Variants in SLC22A23 observed in about 807,000 individuals in gnomAD.
The protein encoded by SLC22A23 is ion transporter protein.
SLC22A23 carries 26 observed loss-of-function variants against 61.0 expected under a neutral mutation model. The ratio of observed to expected loss-of-function variants is 0.43; its 90% CI spans 0.31 to 0.59. The LOEUF (loss-of-function observed/expected upper bound fraction) is 0.59, where lower values mean the gene tolerates loss of function less well. SLC22A23 is among the 20% of genes least tolerant of loss of function. SLC22A23 has a pLI of 0.11. For missense variants in SLC22A23, 796 were observed against 934.7 expected (o/e 0.85, Z 1.94); for synonymous variants, 430 against 413.9 (o/e 1.04, Z -0.47).
chr6:3,419,414 A>T (rs919257337), intron 1 of SLC22A23, among the ~76,000 whole-genome samples: 1 of 152,142 alleles, frequency 6.6e-6, no homozygotes, highest in Non-Finnish European at 1.5e-5. Flanking sequence ...ATTCTGGTAT[A>T]CCTATGGTTT....
intron 9 of SLC22A23, 87 bp from the exon 10 acceptor site, chr6:3,273,499 T>G: frequency 6.9e-7 from 1 of 1,439,800 alleles, no homozygotes; most frequent in South Asian, 1.2e-5. Context: ...GGAAGCCACC[T>G]CTGCAGGGGC....
At chr6:3,435,056 G>A (rs1189012320) in intron 1 of SLC22A23, among the ~76,000 whole-genome samples, 1 of 152,154 alleles carries the variant, frequency 6.6e-6, no homozygotes, top group Non-Finnish European at 1.5e-5. Flanking sequence ...AAGGGTGCTG[G>A]AAGCGGCTGC....
At chr6:3,341,885 G>T (rs903654805) in intron 3 of SLC22A23, among the ~76,000 whole-genome samples, 1 of 151,878 alleles carries the variant, frequency 6.6e-6, no homozygotes, top group Non-Finnish European at 1.5e-5. Context: ...AAAGTTAATG[G>T]ATTTTAAAAA....
At position 3,317,721 on chromosome 6, in the gene SLC22A23, C is replaced by T. The variant is rs1762721555; in HGVS notation, c.1082+6113G>A. Among the ~76,000 whole-genome samples the T allele has an allele frequency of 6.6e-6, 1 of 152,118 alleles. No individual in the cohort carries two copies. Among genetic ancestry groups the T allele is most frequent in the Admixed American group, 6.5e-5 (1 of 15,274 alleles). ...GTGCAATCACCCAGCGCTTTGACGGCGTCTACTTTCAGGTGAAAAACACTC... is the reference window on the plus strand; with the variant it reads ...GTGCAATCACCCAGCGCTTTGACGGTGTCTACTTTCAGGTGAAAAACACTC... On this transcript the variant is annotated intron_variant, in intron 4 of 9. Transcript: ENST00000406686. The surrounding 1 kb of genome is among the most constrained non-coding windows in gnomAD (Gnocchi z 4.4).
At chr6:3,275,283 G>T (rs2127285248) in intron 9 of SLC22A23, among the ~76,000 whole-genome samples, 1 of 152,260 alleles carries the variant, frequency 6.6e-6, no homozygotes, top group African/African-American at 2.4e-5. Context: ...AATGATGTTG[G>T]ACCCTTCACA....
intron 3 of SLC22A23, among the ~76,000 whole-genome samples, chr6:3,378,462 G>T (rs977158346): frequency 3.9e-5 from 6 of 152,098 alleles, no homozygotes; most frequent in Non-Finnish European, 5.9e-5. Flanking sequence ...CAGGGTAATT[G>T]TTTCCTTTGA....
chr6:3,341,890 T>TA (rs891203277), intron 3 of SLC22A23, among the ~76,000 whole-genome samples: 29 of 152,170 alleles, frequency 1.9e-4, no homozygotes, highest in East Asian at 5.8e-4. Context: ...TAATGGATTT[T>TA]AAAAAAAATC....
chr6:3,381,195 ATC>A (rs145260596), intron 3 of SLC22A23, among the ~76,000 whole-genome samples: 2,024 of 152,014 alleles, frequency 0.013, 48 homozygotes, highest in African/African-American at 0.041. Flanking sequence ...TCCCGTGGCT[ATC>A]TCTCTGCCAG....
intron 1 of SLC22A23, among the ~76,000 whole-genome samples, chr6:3,423,178 C>T (rs1384623914): frequency 1.3e-5 from 2 of 152,016 alleles, no homozygotes; most frequent in Non-Finnish European, 2.9e-5. Context: ...TGAATTTGAT[C>T]ATTTTTAAAG....
chr6:3,450,110 A>G (rs1436045936), intron 1 of SLC22A23, among the ~76,000 whole-genome samples: 1 of 152,240 alleles, frequency 6.6e-6, no homozygotes, highest in Non-Finnish European at 1.5e-5. Context: ...ACTGGTAACC[A>G]TGGTTGCTTC....
chr6:3,298,936 C>T (rs1166028132), intron 4 of SLC22A23, among the ~76,000 whole-genome samples: 1 of 144,280 alleles, frequency 6.9e-6, no homozygotes, highest in Non-Finnish European at 1.5e-5. Context: ...TGCGCCACTG[C>T]AGTCCGCAGT....
At position 3,410,394 on chromosome 6, in the gene SLC22A23, C is replaced by CTGATGCTGAATTTCA; in HGVS notation, c.759-53_759-52insTGAAATTCAGCATCA. ...GAATCATTGTGAAACAAGACAATGA[C>CTGATGCTGAATTTCA]GCTAGATGCTGAAACCCGGTGTCCA... On this transcript the variant is annotated intron_variant, in intron 2 of 9. Coordinates refer to ENST00000406686, the MANE Select transcript of SLC22A23 (RefSeq NM_015482.2). This position sits in a 1 kb window ranked among gnomAD's most constrained non-coding sequence, Gnocchi z 5.0. 1 of 1,510,754 alleles carries CTGATGCTGAATTTCA rather than the reference C, an allele frequency of 6.6e-7. No individual in the cohort carries two copies. The allele number at this position is 1,510,754 out of a possible 1,614,324, so 93.6% of individuals were successfully genotyped here.
At chr6:3,398,198 A>C (rs1005071299) in intron 3 of SLC22A23, among the ~76,000 whole-genome samples, 1 of 152,224 alleles carries the variant, frequency 6.6e-6, no homozygotes, top group Non-Finnish European at 1.5e-5. Context: ...AACTTAGCAA[A>C]ATGTATTTAC....
chr6:3,351,585 G>C (rs1764770602), intron 3 of SLC22A23, among the ~76,000 whole-genome samples: 1 of 152,094 alleles, frequency 6.6e-6, no homozygotes, highest in Non-Finnish European at 1.5e-5. Flanking sequence ...CCTCTCTGTG[G>C]CTTCCCGCCC....
chr6:3,379,378 G>C (rs959597438), intron 3 of SLC22A23, among the ~76,000 whole-genome samples: 1 of 152,162 alleles, frequency 6.6e-6, no homozygotes, highest in African/African-American at 2.4e-5. Flanking sequence ...AATGCTCCCT[G>C]ATAAAGTTCA....
chr6:3,334,132 T>C (rs1763722157), intron 3 of SLC22A23, among the ~76,000 whole-genome samples: 1 of 152,232 alleles, frequency 6.6e-6, no homozygotes, highest in Non-Finnish European at 1.5e-5. Context: ...ATTGGCCTAC[T>C]GGCCTTGGGG....
chr6:3,282,171 A>G (rs547311496), intron 9 of SLC22A23: 8 of 702,316 alleles, frequency 1.1e-5, no homozygotes, highest in African/African-American at 1.0e-4. Context: ...ATTCTGGTCT[A>G]TTGAAAGACT....
intron 9 of SLC22A23, among the ~76,000 whole-genome samples, chr6:3,274,602 G>T (rs574329442): frequency 1.3e-5 from 2 of 152,324 alleles, no homozygotes; most frequent in South Asian, 4.1e-4. Context: ...CTAGTCTGTG[G>T]TTCTCTTGGT....
At chr6:3,447,878 A>G (rs6596971) in intron 1 of SLC22A23, among the ~76,000 whole-genome samples, 115,868 of 142,130 alleles carry the variant, frequency 0.82, 47,813 homozygotes, top group African/African-American at 0.95. Flanking sequence ...ATGAGCTACC[A>G]TGCCTGGCCT....
Sources: allele counts gnomAD v4.1 joint callset (sites outside exome capture counted in the v4.1 genomes callset), GRCh38; gene constraint gnomAD v4.1.1; non-coding constraint Gnocchi (gnomAD v3.1); transcripts MANE v1.5; gene names NCBI Gene and HGNC (gene_info 2026-07-23, HGNC 2026-07-21).